KMT2C: variants seen among roughly 807,000 people sequenced by gnomAD.
KMT2C encodes lysine methyltransferase 2C.
Under a neutral mutation model 507.9 loss-of-function variants are expected in KMT2C, and 88 were observed. That is an observed-to-expected ratio of 0.17 (90% CI 0.15 to 0.21). The LOEUF (loss-of-function observed/expected upper bound fraction) is 0.21. Ranked by LOEUF, KMT2C falls within the 10% of genes least tolerant of loss-of-function variation. KMT2C has a pLI of 1.00. For synonymous variants in KMT2C, 2,049 were observed against 2,080.8 expected (o/e 0.98, Z 0.42); for missense variants, 4,954 against 5,957.8 (o/e 0.83, Z 5.55).
chr7:152,400,536 CCAA>C (rs1276787962), intron 1 of KMT2C, among the ~76,000 whole-genome samples: 1 of 152,132 alleles, frequency 6.6e-6, no homozygotes, highest in Non-Finnish European at 1.5e-5. Context: ...CTTTTCCTCA[CCAA>C]CAACAATGGA....
intron 26 of KMT2C, among the ~76,000 whole-genome samples, chr7:152,200,630 T>C (rs1174165426): frequency 6.6e-6 from 1 of 152,112 alleles, no homozygotes; most frequent in Non-Finnish European, 1.5e-5. Context: ...CCTGGAAGGC[T>C]GAGGCACGAG....
intron 2 of KMT2C, among the ~76,000 whole-genome samples, chr7:152,352,400 T>C (rs2097120631): frequency 6.6e-6 from 1 of 152,164 alleles, no homozygotes; most frequent in African/African-American, 2.4e-5. Flanking sequence ...ATTTGCCTTG[T>C]GATATTCTAT....
At chr7:152,222,239 G>A (rs771937492) in intron 21 of KMT2C, among the ~76,000 whole-genome samples, 173 bp from the exon 22 acceptor site, 30 of 152,062 alleles carry the variant, frequency 2.0e-4, no homozygotes, top group Non-Finnish European at 3.8e-4. Flanking sequence ...AGTGATGAAG[G>A]AAATACTCAA....
intron 55 of KMT2C, among the ~76,000 whole-genome samples, chr7:152,142,152 G>A (rs929401628): frequency 1.8e-4 from 28 of 152,182 alleles, no homozygotes; most frequent in African/African-American, 4.8e-5. Flanking sequence ...TCTAGAATCC[G>A]TATATAATCT....
rs760928040 is a variant in KMT2C at position 152,252,684 on chromosome 7, C to T, written c.1331G>A (p.Arg444Gln). The change falls in exon 10 of 59, where the codon CGG becomes CAG. Residue 444 changes from arginine to glutamine, a missense_variant. Arg to Gln is a conservative substitution (Grantham distance 43, BLOSUM62 1). This residue lies in a region of KMT2C where 376 missense variants were observed against 352.4 expected (regional missense o/e 1.07). Coordinates refer to ENST00000262189, the MANE Select transcript of KMT2C (RefSeq NM_170606.3). ...ATTGTGGTGCCACTGAGAACTAGACCGTGTGCCACACTCTATACATATTCT... is the reference window on the plus strand; with the variant it reads ...ATTGTGGTGCCACTGAGAACTAGACTGTGTGCCACACTCTATACATATTCT... ...NCRICIECGT[R>Q]SSSQWHHNCL... 1.6e-5 allele frequency: 26 copies of T among 1,612,774 alleles called. No homozygotes were observed. Among genetic ancestry groups the T allele is most frequent in the Non-Finnish European group, 2.0e-5 (24 of 1,179,314 alleles).
intron 6 of KMT2C, among the ~76,000 whole-genome samples, chr7:152,307,102 G>A (rs971700255): frequency 1.3e-5 from 2 of 151,826 alleles, no homozygotes; most frequent in African/African-American, 4.8e-5. Context: ...GGGTGCCAAT[G>A]AGCCGTGATC....
chr7:152,367,320 T>C, intron 1 of KMT2C: 1 of 961,662 alleles, frequency 1.0e-6, no homozygotes, highest in Admixed American at 2.0e-5. Flanking sequence ...AGCCCTGACC[T>C]GCACCTTCGC....
chr7:152,342,062 T>C (rs1395649483), intron 2 of KMT2C, among the ~76,000 whole-genome samples: 1 of 152,196 alleles, frequency 6.6e-6, no homozygotes, highest in African/African-American at 2.4e-5. Flanking sequence ...TCCACCTGTC[T>C]CATCAAGTGT....
At chr7:152,423,357 C>T (rs534871918) in intron 1 of KMT2C, among the ~76,000 whole-genome samples, 1 of 152,266 alleles carries the variant, frequency 6.6e-6, no homozygotes, top group South Asian at 2.1e-4. Context: ...AAACAAACTA[C>T]ATTCCCAGCC....
intron 2 of KMT2C, among the ~76,000 whole-genome samples, chr7:152,343,257 CGT>C (rs1589313954): frequency 6.6e-6 from 1 of 151,862 alleles, no homozygotes; most frequent in East Asian, 1.9e-4. Context: ...TGCAAGAAGA[CGT>C]GGGCAATGTA....
Position 152,248,445 on chromosome 7 carries a change from C to T in KMT2C, c.1989G>A (p.Gln663=), listed in dbSNP as rs2129164400. The T allele has an allele frequency of 6.2e-7, 1 of 1,614,104 alleles. No individual in the cohort carries two copies. Among genetic ancestry groups the T allele is most frequent in the Non-Finnish European group, 8.5e-7 (1 of 1,180,006 alleles). The part of the protein sequence containing the change: ...IEVVTHQITV[Q]QEQLQLLEEP... Reference sequence around the variant, plus strand: ...CCTCTAACAACTGCAGTTGTTCTTGCTGCACAGTGATCTGGTGTGTAACGA... The same window carrying T: ...CCTCTAACAACTGCAGTTGTTCTTGTTGCACAGTGATCTGGTGTGTAACGA... The change falls in exon 14 of 59, where the codon CAG becomes CAA. Residue 663 remains glutamine, a synonymous_variant. Transcript: ENST00000262189.
intron 2 of KMT2C, among the ~76,000 whole-genome samples, chr7:152,345,069 G>A (rs2097044192): frequency 6.6e-6 from 1 of 151,142 alleles, no homozygotes; most frequent in African/African-American, 2.4e-5. Flanking sequence ...CAAAGAACAA[G>A]GACAATAAAT....
chr7:152,429,678 G>A (rs1450001604), intron 1 of KMT2C, among the ~76,000 whole-genome samples: 5 of 151,536 alleles, frequency 3.3e-5, no homozygotes, highest in East Asian at 3.9e-4. Flanking sequence ...CTGCCACCAC[G>A]CCCAGCTAAT....
chr7:152,139,547 T>TA, intron 56 of KMT2C, 128 bp downstream of exon 56: 1 of 697,200 alleles, frequency 1.4e-6, no homozygotes, highest in Non-Finnish European at 2.6e-6. Context: ...AATATACAGA[T>TA]ATGGCTTTTG....
rs1304756363 is a variant in KMT2C, at chr7:152,148,231, T to A, written c.13696A>T (p.Met4566Leu). Residue 4566 changes from methionine to leucine, a missense_variant, in exon 52 of 59, where the codon ATG (methionine) becomes TTG (leucine). Transcript: ENST00000262189. This position sits in a 1 kb window ranked among gnomAD's most constrained non-coding sequence, Gnocchi z 7.1. ...GCTTTAGGAGAATGGAATGCTTGCATCTGCTGTGGAAGCAGCTGACCAATT... is the reference window on the plus strand; with the variant it reads ...GCTTTAGGAGAATGGAATGCTTGCAACTGCTGTGGAAGCAGCTGACCAATT... ...HTIGQLLPQQ[M>L]QAFHSPKALF... is the part of the protein sequence containing the mutation. 6.2e-7 allele frequency: 1 copy of A among 1,614,222 alleles called. No individual in the cohort carries two copies. The highest frequency in any genetic ancestry group is 8.5e-7 in the Non-Finnish European group (1 of 1,180,030).
intron 1 of KMT2C, among the ~76,000 whole-genome samples, chr7:152,382,406 T>A (rs1194386835): frequency 6.6e-6 from 1 of 152,074 alleles, no homozygotes; most frequent in Non-Finnish European, 1.5e-5. Context: ...AAATCTACCA[T>A]CTTTTCAAAA....
intron 3 of KMT2C, among the ~76,000 whole-genome samples, chr7:152,323,261 T>C (rs910679701): frequency 7.2e-5 from 11 of 152,008 alleles, no homozygotes; most frequent in Non-Finnish European, 1.6e-4. Flanking sequence ...TAGCCAGATA[T>C]GGAATCAACC....
intron 55 of KMT2C, among the ~76,000 whole-genome samples, chr7:152,142,025 G>T (rs979620165): frequency 1.9e-4 from 29 of 152,154 alleles, no homozygotes; most frequent in African/African-American, 6.8e-4. Context: ...CTGTCTCAAA[G>T]AAGAAGAAAG....
chr7:152,172,630 A>G (rs951125314), intron 39 of KMT2C, among the ~76,000 whole-genome samples: 2 of 152,340 alleles, frequency 1.3e-5, no homozygotes, highest in Admixed American at 1.3e-4. Flanking sequence ...TTGGAGGTGA[A>G]GGCTGCAGTG....
Sources: allele counts gnomAD v4.1 joint callset (sites outside exome capture counted in the v4.1 genomes callset), GRCh38; gene constraint gnomAD v4.1.1; regional missense constraint gnomAD v4.1.1; non-coding constraint Gnocchi (gnomAD v3.1); transcripts MANE v1.5; gene names NCBI Gene and HGNC (gene_info 2026-07-23, HGNC 2026-07-21).